Variants in MYO9A observed in about 807,000 individuals in gnomAD.
MYO9A encodes the protein unconventional myosin-IXa.
A neutral mutation model predicts 293.3 loss-of-function variants in MYO9A; 103 were observed. The observed-to-expected ratio is 0.35, with a 90% CI of 0.30 to 0.41. The LOEUF is 0.41. MYO9A is among the 10% of genes least tolerant of loss of function. The probability of loss-of-function intolerance (pLI) is 1.00; values close to 1 mark genes in which losing one functional copy is unlikely to be tolerated. For synonymous variants in MYO9A, 1,001 were observed against 1,035.7 expected, an observed-to-expected ratio of 0.97 and a Z score of 0.64; for missense variants, 2,685 against 3,033.0, an observed-to-expected ratio of 0.89 and a Z score of 2.69.
Position 71,960,094 on chromosome 15 carries a change from A to G in MYO9A, c.1989T>C (p.Asp663=), listed in dbSNP as rs2059291314. 1 of 1,613,398 alleles carries G rather than the reference A, an allele frequency of 6.2e-7. No individual in the cohort carries two copies. The highest frequency in any genetic ancestry group is 8.5e-7 in the Non-Finnish European group (1 of 1,179,778). ...YAGKVKYGVK[D]FREKNTDHMR... ...TATGATCTGTATTTTTTTCCCGGAAATCCTATATGAAAAAAGTACCAGTGT... is the reference window on the plus strand; with the variant it reads ...TATGATCTGTATTTTTTTCCCGGAAGTCCTATATGAAAAAAGTACCAGTGT... The change falls in exon 14 of 42, where the codon GAT becomes GAC. Residue 663 remains aspartate (D), a splice_region_variant and synonymous_variant. Transcript: ENST00000356056.
At position 71,898,023 on chromosome 15, in the gene MYO9A, T is replaced by C; in HGVS notation, c.4480A>G (p.Asn1494Asp). The C allele has an allele frequency of 1.2e-6, 2 of 1,614,140 alleles. No homozygotes were observed. The highest frequency in any genetic ancestry group is 1.7e-6 in the Non-Finnish European group (2 of 1,180,030). Residue 1494 changes from asparagine (N) to aspartate (D), a missense_variant, in exon 25 of 42, where the codon AAC (asparagine) becomes GAC (aspartate). Physicochemically the swap from Asn to Asp is conservative, Grantham distance 23. Transcript: ENST00000356056. ...NPVLKKLEKLNTEKEERQKQL... is the reference protein window; with the variant it reads ...NPVLKKLEKLDTEKEERQKQL... ...TTTTGCCTTTCTTCCTTCTCAGTGT[T>C]TAGCTTTTCTAACTTCTTAAGCACA... is the stretch of plus-strand genomic sequence containing the variant.
chr15:72,110,336 TG>T (rs1162502295), intron 1 of MYO9A, among the ~76,000 whole-genome samples: 28 of 146,772 alleles, frequency 1.9e-4, no homozygotes, highest in African/African-American at 7.1e-4. Context: ...CTTGGGAGGC[TG>T]AGGCAGGAGA....
chr15:71,945,191 T>C (rs2058881438), intron 15 of MYO9A, among the ~76,000 whole-genome samples: 1 of 152,154 alleles, frequency 6.6e-6, no homozygotes. Context: ...GAGGTTGTAT[T>C]CAAGCTATCA....
At chr15:71,886,193 G>GT (rs2057014011) in intron 27 of MYO9A, among the ~76,000 whole-genome samples, 4 of 60,306 alleles carry the variant, frequency 6.6e-5, no homozygotes, top group African/African-American at 1.4e-4. Flanking sequence ...TTAAAGTAGG[G>GT]TAAAAAAAAA....
chr15:71,909,962 A>T (rs2057782022), intron 19 of MYO9A, among the ~76,000 whole-genome samples: 1 of 151,836 alleles, frequency 6.6e-6, no homozygotes, highest in Non-Finnish European at 1.5e-5. Flanking sequence ...TTTATTTATG[A>T]GACTCCGTCT....
intron 39 of MYO9A, among the ~76,000 whole-genome samples, chr15:71,842,045 A>AT (rs1189091054): frequency 6.6e-6 from 1 of 152,158 alleles, no homozygotes; most frequent in Non-Finnish European, 1.5e-5. Flanking sequence ...AGAGAGGTCC[A>AT]TAACAAGCAT....
chr15:72,015,683 G>GTTTTT (rs10708457), intron 6 of MYO9A, among the ~76,000 whole-genome samples: 11 of 113,468 alleles, frequency 9.7e-5, no homozygotes, highest in Non-Finnish European at 1.6e-4. Context: ...CTCAGATCAG[G>GTTTTT]TTTTTTTTTT....
In MYO9A at chr15:72,001,553, CAAAAA is replaced by C. The variant is rs199812533; in HGVS notation, c.1381-1618_1381-1614del. Among the ~76,000 whole-genome samples, 76 of 102,514 alleles carry C rather than the reference CAAAAA, an allele frequency of 7.4e-4. No homozygotes were observed. In the East Asian group the frequency reaches 0.021, roughly 28 times the overall value. 67.3% of individuals were successfully genotyped at this position (102,514 alleles called of 152,430 possible). A position where few individuals can be genotyped will look rare whatever the true frequency, so the allele number is the denominator to read the frequency against. On this transcript the variant is annotated intron_variant, in intron 8 of 41. Transcript: ENST00000356056. Reference sequence around the variant, plus strand: ...TAGGAGACAGAGTCAGACTCCATCTCAAAAAAAAAAAAAAAAAAAATAGATTATAA... The same window carrying C: ...TAGGAGACAGAGTCAGACTCCATCTCAAAAAAAAAAAAAAATAGATTATAA...
chr15:71,918,371 G>C (rs1446150313), intron 18 of MYO9A, among the ~76,000 whole-genome samples: 2 of 151,954 alleles, frequency 1.3e-5, no homozygotes, highest in Non-Finnish European at 2.9e-5. Context: ...TTATAGATAT[G>C]CAATTATATA....
At chr15:71,918,060 A>C (rs923369690) in intron 18 of MYO9A, among the ~76,000 whole-genome samples, 5 of 152,236 alleles carry the variant, frequency 3.3e-5, no homozygotes, top group Non-Finnish European at 7.3e-5. Context: ...GGCAATTCTC[A>C]AAGTAAAAAT....
chr15:71,960,694 T>C (rs553723801), intron 13 of MYO9A, among the ~76,000 whole-genome samples: 2 of 152,342 alleles, frequency 1.3e-5, no homozygotes, highest in East Asian at 1.9e-4. Context: ...CCTAAAACTA[T>C]TGATTTCTAT....
intron 19 of MYO9A, among the ~76,000 whole-genome samples, chr15:71,914,047 C>T (rs1291922876): frequency 6.6e-6 from 1 of 152,182 alleles, no homozygotes; most frequent in Non-Finnish European, 1.5e-5. Flanking sequence ...TAGTCAGCCA[C>T]AGAGACTCAA....
chr15:71,960,116 G>C lies in MYO9A; in HGVS notation c.1987-20C>G, dbSNP rs750615677. 9.3e-6 allele frequency: 15 copies of C among 1,608,054 alleles called. No individual in the cohort carries two copies. Among genetic ancestry groups the C allele is most frequent in the Admixed American group, 3.4e-5 (2 of 59,468 alleles). ...GAAATCCTATATGAAAAAAGTACCA[G>C]TGTTACTTATGGGAAAAAAAAATTA... On this transcript the variant is annotated intron_variant, in intron 13 of 41. Transcript: ENST00000356056.
chr15:71,963,327 C>G (rs1235385895), intron 13 of MYO9A, among the ~76,000 whole-genome samples: 2 of 152,176 alleles, frequency 1.3e-5, no homozygotes, highest in Non-Finnish European at 2.9e-5. Context: ...TTAAGTGATC[C>G]ACCCACCTCG....
Position 72,070,297 on chromosome 15 carries a change from A to C in MYO9A, c.-71-23663T>G, listed in dbSNP as rs78667572. Among the ~76,000 whole-genome samples the C allele has an allele frequency of 2.8e-3, 423 of 151,188 alleles. 1 individual carries two copies. Among genetic ancestry groups the C allele is most frequent in the African/African-American group, 9.5e-3 (391 of 41,176 alleles). On this transcript the variant is annotated intron_variant, in intron 1 of 41. Coordinates refer to ENST00000356056, the MANE Select transcript of MYO9A (RefSeq NM_006901.4). ...TCCCTACTAAAACTACAAAAAAAAA[A>C]CAAAAAACTACCCAGATGTGGTGGC...
chr15:72,072,547 A>G (rs2079227616), intron 1 of MYO9A, among the ~76,000 whole-genome samples: 1 of 152,254 alleles, frequency 6.6e-6, no homozygotes, highest in African/African-American at 2.4e-5. Context: ...AATGTGATAC[A>G]TACACAAAAT....
chr15:72,035,966 G>A (rs1356359694), intron 2 of MYO9A, among the ~76,000 whole-genome samples: 1 of 151,926 alleles, frequency 6.6e-6, no homozygotes, highest in Non-Finnish European at 1.5e-5. Context: ...ATACACAGAG[G>A]ACTATAAAAG....
At chr15:71,869,371 A>C (rs2056436541) in intron 32 of MYO9A, among the ~76,000 whole-genome samples, 2 of 152,130 alleles carry the variant, frequency 1.3e-5, no homozygotes, top group African/African-American at 4.8e-5. Flanking sequence ...ATCTGAATCT[A>C]ATCATGAGGA....
chr15:71,904,882 G>C (rs749990354), intron 20 of MYO9A, 44 bp downstream of exon 20: 8 of 1,411,148 alleles, frequency 5.7e-6, no homozygotes, highest in Non-Finnish European at 7.9e-6. Context: ...AGCTCAGTTT[G>C]AAGTAAGCTG....
Sources: gnomAD v4.1 joint callset for allele counts (sites outside exome capture counted in the v4.1 genomes callset) on GRCh38, gnomAD v4.1.1 for gene constraint, MANE v1.5 for transcripts, NCBI Gene and HGNC (gene_info 2026-07-23, HGNC 2026-07-21) for gene names.